GTF2H1: variants seen among roughly 807,000 people sequenced by gnomAD.
GTF2H1 encodes general transcription factor IIH subunit 1, also known as BTF2 p62.
Under a neutral mutation model 71.2 loss-of-function variants are expected in GTF2H1, and 16 were observed. That is an observed-to-expected ratio of 0.22 (90% CI 0.15 to 0.34). GTF2H1 has a LOEUF of 0.34. Among genes scored for constraint, GTF2H1 ranks in the 10% least tolerant of loss-of-function variants. The probability of loss-of-function intolerance (pLI) is 1.00; values close to 1 mark genes in which losing one functional copy is unlikely to be tolerated. For synonymous variants in GTF2H1, 215 were observed against 219.0 expected (o/e 0.98, Z 0.16); for missense variants, 498 against 648.2 (o/e 0.77, Z 2.52).
At position 18,351,929 on chromosome 11, in the gene GTF2H1, T is replaced by C. The variant is rs761954299; in HGVS notation, c.1102T>C (p.Ser368Pro). 2 of 1,602,382 alleles carry C rather than the reference T, an allele frequency of 1.2e-6. No individual in the cohort carries two copies. Among genetic ancestry groups the C allele is most frequent in the East Asian group, 4.5e-5 (2 of 44,686 alleles). The change falls in exon 10 of 15, where the codon TCT becomes CCT. Residue 368 changes from serine (S) to proline (P), a missense_variant. Physicochemically the swap from Ser to Pro is moderately conservative, Grantham distance 74. Transcript: ENST00000265963. ...IEYEDLGKNNSVKTIALNLKK... is the reference protein window; with the variant it reads ...IEYEDLGKNNPVKTIALNLKK... ...ATATGAAGACTTGGGGAAAAATAAT[T>C]CTGTAAAAACGATTGCACTAAACCT... is the stretch of plus-strand genomic sequence containing the variant.
At chr11:18,340,478 G>T (rs1865131328) in intron 5 of GTF2H1, among the ~76,000 whole-genome samples, 1 of 152,132 alleles carries the variant, frequency 6.6e-6, no homozygotes, top group South Asian at 2.1e-4. Flanking sequence ...TGTAGAGATG[G>T]GGTTTCACCC....
At chr11:18,343,824 G>A (rs978430416) in intron 7 of GTF2H1, among the ~76,000 whole-genome samples, 1 of 152,012 alleles carries the variant, frequency 6.6e-6, no homozygotes, top group Middle Eastern at 3.2e-3. Context: ...GGGAGTCGGC[G>A]AGTCTCCTTG....
At chr11:18,334,089 A>C (rs1400546805) in intron 2 of GTF2H1, among the ~76,000 whole-genome samples, 1 of 152,184 alleles carries the variant, frequency 6.6e-6, no homozygotes, top group Non-Finnish European at 1.5e-5. Context: ...TAAAAATACA[A>C]AAATTAAGGG....
At chr11:18,353,227 A>G (rs1865468278) in intron 11 of GTF2H1, among the ~76,000 whole-genome samples, 1 of 152,184 alleles carries the variant, frequency 6.6e-6, no homozygotes, top group South Asian at 2.1e-4. Context: ...CTCCATCTCA[A>G]ATAGATAGAT....
intron 5 of GTF2H1, among the ~76,000 whole-genome samples, chr11:18,340,867 G>A (rs572536209): frequency 2.0e-5 from 3 of 152,208 alleles, no homozygotes; most frequent in East Asian, 1.9e-4. Flanking sequence ...TGTGTAAGCC[G>A]CTGGAGTGCT....
chr11:18,325,613 T>C (rs1370908553), intron 1 of GTF2H1, among the ~76,000 whole-genome samples: 1 of 152,172 alleles, frequency 6.6e-6, no homozygotes, highest in Non-Finnish European at 1.5e-5. Context: ...AATTATGTTG[T>C]TGTAAGTGCC....
At chr11:18,361,495 C>T (rs1383531500) in intron 14 of GTF2H1, among the ~76,000 whole-genome samples, 1 of 152,044 alleles carries the variant, frequency 6.6e-6, no homozygotes, top group African/African-American at 2.4e-5. Flanking sequence ...ATGGCGAAAC[C>T]CTGTCTCTAC....
Position 18,335,848 on chromosome 11 carries a change from C to T in GTF2H1, c.249C>T (p.Ser83=). ...CTAACTTCCATTTTTCCAATGAAAG[C>T]ACAGCAGTGAAAGAGCGAGATGCAG... ...DTTNFHFSNE[S]TAVKERDAVK... The change falls in exon 3 of 15, where the codon AGC becomes AGT. Residue 83 remains serine, a synonymous_variant. Transcript: ENST00000265963. 6.2e-7 allele frequency: 1 copy of T among 1,613,730 alleles called. No homozygotes were observed. The highest frequency in any genetic ancestry group is 8.5e-7 in the Non-Finnish European group (1 of 1,179,620).
At position 18,360,515 on chromosome 11, in the gene GTF2H1, T is replaced by A. The variant is rs539529308; in HGVS notation, c.1468-100T>A. 2.6e-5 allele frequency: 15 copies of A among 584,870 alleles called. No individual in the cohort carries two copies. The African/African-American group carries it at 2.7e-4, about 11-fold the overall frequency. 36.2% of individuals were successfully genotyped at this position (584,870 alleles called of 1,614,324 possible). On this transcript the variant is annotated intron_variant, in intron 13 of 14. Transcript: ENST00000265963. ...TATTTTATTTTTACATTTAAAAAAA[T>A]TCTACAAGAAAAGTAACTTTCATAT...
At position 18,365,534 on chromosome 11, in the gene GTF2H1, T is replaced by C. The variant is rs144403664; in HGVS notation, c.1561-249T>C. Among the ~76,000 whole-genome samples the C allele has an allele frequency of 2.5e-3, 377 of 152,300 alleles. 3 individuals carry two copies. Among genetic ancestry groups the C allele is most frequent in the East Asian group, 0.014 (72 of 5,190 alleles). On this transcript the variant is annotated intron_variant, in intron 14 of 14. Coordinates refer to ENST00000265963, the MANE Select transcript of GTF2H1 (RefSeq NM_005316.4). ...CACAATTGTGACTTTCATATTGTCCTATTATTGGTTAATGACAGGACAGCC... is the reference window on the plus strand; with the variant it reads ...CACAATTGTGACTTTCATATTGTCCCATTATTGGTTAATGACAGGACAGCC...
At chr11:18,325,801 C>G (rs932644683) in intron 1 of GTF2H1, 1 of 152,154 alleles carries the variant, frequency 6.6e-6, no homozygotes, top group Non-Finnish European at 1.5e-5. Context: ...TAAATTAATG[C>G]CTTTAATATA....
At chr11:18,343,035 C>T (rs1865199409) in intron 7 of GTF2H1, among the ~76,000 whole-genome samples, 1 of 152,152 alleles carries the variant, frequency 6.6e-6, no homozygotes, top group Admixed American at 6.5e-5. Context: ...GATTCTCCTG[C>T]CTCAGGCTCC....
At chr11:18,325,472 CTCT>C (rs1306150378) in intron 1 of GTF2H1, among the ~76,000 whole-genome samples, 18 of 152,324 alleles carry the variant, frequency 1.2e-4, no homozygotes, top group African/African-American at 3.4e-4. Flanking sequence ...ACTTCTTGGA[CTCT>C]TCTTATAGGC....
At chr11:18,349,351 G>T (rs4150642) in intron 9 of GTF2H1, among the ~76,000 whole-genome samples, 5 of 152,180 alleles carry the variant, frequency 3.3e-5, no homozygotes, top group African/African-American at 9.6e-5. Flanking sequence ...TATACTGTTG[G>T]GCTGAGTACC....
chr11:18,334,304 CAA>C (rs1351804668), intron 2 of GTF2H1, among the ~76,000 whole-genome samples: 2 of 152,148 alleles, frequency 1.3e-5, no homozygotes, highest in Non-Finnish European at 2.9e-5. Flanking sequence ...GGCGTGAACT[CAA>C]GAGGCGGAGC....
Position 18,365,809 on chromosome 11 carries a change from C to T in GTF2H1, c.1587C>T (p.Leu529=). ...TGGTAAGTCACATAGAAGAGATGCT[C>T]CAGACAGCCTACAACAAGCTCCACA... ...TNLVSHIEEM[L]QTAYNKLHTW... is the part of the protein sequence containing the mutation. Residue 529 remains leucine (L), a synonymous_variant, in exon 15 of 15, where the codon CTC becomes CTT. Transcript: ENST00000265963. The T allele has an allele frequency of 6.2e-7, 1 of 1,613,508 alleles. No homozygotes were observed. The highest frequency in any genetic ancestry group is 8.5e-7 in the Non-Finnish European group (1 of 1,179,496).
intron 7 of GTF2H1, 56 bp downstream of exon 7, chr11:18,341,663 A>G: frequency 5.3e-6 from 6 of 1,123,402 alleles, no homozygotes; most frequent in South Asian, 1.3e-5. Context: ...AGTCTTCAAC[A>G]TTGTCTTAAG....
intron 3 of GTF2H1, 79 bp downstream of exon 3, chr11:18,336,025 A>G: frequency 1.0e-6 from 1 of 968,450 alleles, no homozygotes; most frequent in South Asian, 2.3e-5. Context: ...CTTGTTAGCT[A>G]TCCCCACGTT....
Position 18,347,966 on chromosome 11 carries a change from A to T in GTF2H1, c.1053+47A>T, listed in dbSNP as rs368256173. On this transcript the variant is annotated intron_variant, in intron 9 of 14. Transcript: ENST00000265963. ...CCATTTGGGGCTCAAGTTTCTCCAA[A>T]TACTTTATGTGACTGCAAGTACTGT... 3.6e-4 allele frequency: 432 copies of T among 1,200,242 alleles called. 1 individual carries two copies. Among genetic ancestry groups the T allele is most frequent in the Non-Finnish European group, 5.1e-4 (407 of 803,578 alleles). The allele number at this position is 1,200,242 out of a possible 1,614,324, so 74.3% of individuals were successfully genotyped here. A position where few individuals can be genotyped will look rare whatever the true frequency, so the allele number is the denominator to read the frequency against.
Sources: allele counts gnomAD v4.1 joint callset (sites outside exome capture counted in the v4.1 genomes callset), GRCh38; gene constraint gnomAD v4.1.1; transcripts MANE v1.5; gene names NCBI Gene and HGNC (gene_info 2026-07-23, HGNC 2026-07-21).